CEP250: variants seen among roughly 807,000 people sequenced by gnomAD.
The protein encoded by CEP250 is centrosome-associated protein CEP250.
CEP250 carries 242 observed loss-of-function variants against 315.7 expected under a neutral mutation model. That is an observed-to-expected ratio of 0.77 (90% CI 0.69 to 0.85). The LOEUF (loss-of-function observed/expected upper bound fraction) is 0.85, where lower values mean the gene tolerates loss of function less well. Ranked by LOEUF, CEP250 falls within the 40% of genes least tolerant of loss-of-function variation. The pLI, the probability that CEP250 is intolerant of heterozygous loss-of-function variation, is 0.00. For synonymous variants in CEP250, 1,088 were observed against 1,175.0 expected (o/e 0.93, Z 1.51); for missense variants, 2,515 against 2,886.4 (o/e 0.87, Z 2.95).
rs760442031 is a variant in CEP250, at chr20:35,503,935, G to A, written c.5566G>A (p.Glu1856Lys). The change falls in exon 30 of 35, where the codon GAG becomes AAG. Residue 1856 changes from glutamate (E) to lysine (K), a missense_variant. Transcript: ENST00000397527. The surrounding 1 kb of genome is among the most constrained non-coding windows in gnomAD (Gnocchi z 4.2). ...ALEQAHMTLK[E>K]RHGELQDHKE... ...GGAGCAAGCCCATATGACACTGAAGGAGCGTCATGGAGAGCTTCAGGACCA... is the reference window on the plus strand; with the variant it reads ...GGAGCAAGCCCATATGACACTGAAGAAGCGTCATGGAGAGCTTCAGGACCA... 13 of 1,613,406 alleles carry A rather than the reference G, an allele frequency of 8.1e-6. No homozygotes were observed. Among genetic ancestry groups the A allele is most frequent in the Non-Finnish European group, 1.1e-5 (13 of 1,179,646 alleles).
In CEP250 at chr20:35,472,055, A is replaced by G; in HGVS notation, c.954A>G (p.Thr318=). 1 of 1,602,182 alleles carries G rather than the reference A, an allele frequency of 6.2e-7. No individual in the cohort carries two copies. The highest frequency in any genetic ancestry group is 8.6e-7 in the Non-Finnish European group (1 of 1,169,142). ...ALRETVEILE[T]NHTELMEHEA... is the part of the protein sequence containing the mutation. ...CTGTTCTATTCCCTGTTCAGGAGAC[A>G]AATCACACAGAATTAATGGAACATG... The change falls in exon 11 of 35, where the codon ACA becomes ACG. Residue 318 remains threonine (T), a synonymous_variant. Coordinates refer to ENST00000397527, the MANE Select transcript of CEP250 (RefSeq NM_007186.6).
chr20:35,504,059 G>T lies in CEP250; in HGVS notation c.5690G>T (p.Arg1897Leu). Residue 1897 changes from arginine to leucine, a missense_variant, in exon 30 of 35, where the codon CGG (arginine) becomes CTG (leucine). Arg to Leu is a moderately radical substitution (Grantham distance 102). Transcript: ENST00000397527. The stretch of plus-strand genomic sequence containing the variant: ...CTGGGAGACCTAAGGGCTGAGTCTC[G>T]GGAACAGGAGAAAGCTCTGTTGGCC... ...EVLGDLRAES[R>L]EQEKALLALQ... The T allele has an allele frequency of 6.2e-7, 1 of 1,606,048 alleles. No homozygotes were observed. The highest frequency in any genetic ancestry group is 1.7e-4 in the Middle Eastern group (1 of 6,000).
At chr20:35,496,752 G>A in intron 25 of CEP250, 37 bp downstream of exon 25, 5 of 1,589,980 alleles carry the variant, frequency 3.1e-6, no homozygotes, top group Non-Finnish European at 4.3e-6. Flanking sequence ...TGCATCCCTG[G>A]CAGAAGCCTG....
intron 21 of CEP250, 105 bp from the exon 22 acceptor site, chr20:35,491,107 C>A: frequency 7.2e-7 from 1 of 1,393,298 alleles, no homozygotes. Context: ...CAGCCCCTTC[C>A]CATTTGCTAG....
chr20:35,504,087 C>T lies in CEP250; in HGVS notation c.5718C>T (p.Leu1906=). Residue 1906 remains leucine (L), a synonymous_variant, in exon 30 of 35, where the codon CTC becomes CTT. Coordinates refer to ENST00000397527, the MANE Select transcript of CEP250 (RefSeq NM_007186.6). The part of the protein sequence containing the change: ...SREQEKALLA[L]QQQCAEQAQE... ...AACAGGAGAAAGCTCTGTTGGCCCT[C>T]CAGCAGCAGTGTGCTGAGCAGGCAC... 6.2e-7 allele frequency: 1 copy of T among 1,608,844 alleles called. No homozygotes were observed. Among genetic ancestry groups the T allele is most frequent in the Non-Finnish European group, 8.5e-7 (1 of 1,176,872 alleles).
intron 30 of CEP250, among the ~76,000 whole-genome samples, chr20:35,506,082 G>A (rs1056260276): frequency 1.3e-5 from 2 of 152,146 alleles, no homozygotes; most frequent in Non-Finnish European, 2.9e-5. Context: ...GGTAGGACTT[G>A]ATTGGCTAAG....
rs2064022206 is a variant in CEP250, at chr20:35,502,045, C to T, written c.4020+79C>T. ...CCCACCTTGGCCTGTGGTCCTGTGT[C>T]CCACTTCCTTCAGCAAGTCTGTCAG... is the stretch of plus-strand genomic sequence containing the variant. On this transcript the variant is annotated intron_variant, in intron 29 of 34. Transcript: ENST00000397527. 1.5e-5 allele frequency: 23 copies of T among 1,497,808 alleles called. No individual in the cohort carries two copies. In the South Asian group the frequency reaches 2.2e-4, roughly 14 times the overall value. 92.8% of individuals were successfully genotyped at this position (1,497,808 alleles called of 1,614,324 possible).
At chr20:35,478,876 T>C (rs963437120) in intron 17 of CEP250, among the ~76,000 whole-genome samples, 1 of 152,162 alleles carries the variant, frequency 6.6e-6, no homozygotes, top group Non-Finnish European at 1.5e-5. Flanking sequence ...CTACAAAACC[T>C]CTCATTGTCC....
intron 26 of CEP250, 71 bp from the exon 27 acceptor site, chr20:35,498,524 G>A (rs2063910561): frequency 1.0e-5 from 16 of 1,570,432 alleles, no homozygotes; most frequent in Non-Finnish European, 1.4e-5. Flanking sequence ...GGACAGGGCT[G>A]TGTCTGGAGA....
At chr20:35,494,690 T>C in intron 24 of CEP250, 33 bp downstream of exon 24, 1 of 1,611,680 alleles carries the variant, frequency 6.2e-7, no homozygotes, top group Non-Finnish European at 8.5e-7. Context: ...GTGGCTTTTG[T>C]CTATCTGGCT....
chr20:35,507,069 A>G (rs1179730584), intron 30 of CEP250, among the ~76,000 whole-genome samples: 1 of 152,196 alleles, frequency 6.6e-6, no homozygotes, highest in African/African-American at 2.4e-5. Context: ...CAGGACTGGA[A>G]TGAGGTCTGA....
rs1178279806 is a variant in CEP250, at chr20:35,503,897, T to C, written c.5528T>C (p.Leu1843Pro). 1 of 1,613,788 alleles carries C rather than the reference T, an allele frequency of 6.2e-7. No homozygotes were observed. Among genetic ancestry groups the C allele is most frequent in the East Asian group, 2.2e-5 (1 of 44,876 alleles). ...EERVKEKADALQGALEQAHMT... is the reference protein window; with the variant it reads ...EERVKEKADAPQGALEQAHMT... ...AGGGTGAAGGAAAAGGCAGACGCCC[T>C]CCAGGGAGCTCTGGAGCAAGCCCAT... The change falls in exon 30 of 35, where the codon CTC (leucine) becomes CCC (proline). Residue 1843 changes from leucine to proline, a missense_variant. Coordinates refer to ENST00000397527, the MANE Select transcript of CEP250 (RefSeq NM_007186.6). This position sits in a 1 kb window ranked among gnomAD's most constrained non-coding sequence, Gnocchi z 4.2.
chr20:35,465,082 C>T (rs184681516), intron 5 of CEP250, among the ~76,000 whole-genome samples: 4 of 152,156 alleles, frequency 2.6e-5, no homozygotes, highest in East Asian at 3.9e-4. Flanking sequence ...AACGATATAC[C>T]GCTTTCATTT....
At chr20:35,465,083 G>A (rs141567815) in intron 5 of CEP250, among the ~76,000 whole-genome samples, 1 of 152,166 alleles carries the variant, frequency 6.6e-6, no homozygotes, top group African/African-American at 2.4e-5. Flanking sequence ...ACGATATACC[G>A]CTTTCATTTT....
At chr20:35,472,521 CA>C in intron 11 of CEP250, 151 bp from the exon 12 acceptor site, 2 of 780,824 alleles carry the variant, frequency 2.6e-6, no homozygotes, top group Admixed American at 5.1e-5. Context: ...TTGAAGGAAC[CA>C]GACTTTTATG....
rs759387870 is a variant in CEP250, at chr20:35,513,777, CATCTT to C, written c.*2153_*2157del. 2 of 152,284 alleles carry C rather than the reference CATCTT, an allele frequency of 1.3e-5. No individual in the cohort carries two copies. The highest frequency in any genetic ancestry group is 2.9e-5 in the Non-Finnish European group (2 of 68,082). The allele number at this position is 152,284 out of a possible 1,614,324, so 9.4% of individuals were successfully genotyped here. On this transcript the variant is annotated 3_prime_UTR_variant, in exon 35 of 35. Transcript: ENST00000397527. ...CAGAGAGGTTCCAGCAGCTGAAAGA[CATCTT>C]AGAGGCTGCCAAGCAGGGTCTTTAT... is the stretch of plus-strand genomic sequence containing the variant.
rs188838294 is a variant in CEP250 at position 35,473,202 on chromosome 20, C to G, written c.1210-172C>G. On this transcript the variant is annotated intron_variant, in intron 12 of 34. Transcript: ENST00000397527. ...GACGAACTCTAAGAATCTAGAGCCA[C>G]AGAAGCCCAATGACCTCTGATGGCC... Among the ~76,000 whole-genome samples, 369 of 152,288 alleles carry G rather than the reference C, an allele frequency of 2.4e-3. 4 individuals are homozygous for G. The highest frequency in any genetic ancestry group is 8.6e-3 in the African/African-American group (357 of 41,558).
chr20:35,490,710 T>G lies in CEP250; in HGVS notation c.2660T>G (p.Leu887Arg), dbSNP rs2147034423. 6.2e-7 allele frequency: 1 copy of G among 1,613,814 alleles called. No homozygotes were observed. Among genetic ancestry groups the G allele is most frequent in the South Asian group, 1.1e-5 (1 of 91,062 alleles). The change falls in exon 21 of 35, where the codon CTG becomes CGG. Residue 887 changes from leucine to arginine, a missense_variant. Transcript: ENST00000397527. ...LESLEREKME[L>R]EMRLKEQQTE... ...AGCTTAGAAAGGGAAAAAATGGAGC[T>G]GGAAATGAGGCTAAAGGAGCAGCAG... is the stretch of plus-strand genomic sequence containing the variant.
Position 35,518,327 on chromosome 20 carries a change from G to A in CEP250, c.*6701G>A, listed in dbSNP as rs1052936629. Reference sequence around the variant, plus strand: ...TGGTGCACCACAATGTGTCAGGGATGTCGGTTTATGTGGGATATTTGCATT... The same window carrying A: ...TGGTGCACCACAATGTGTCAGGGATATCGGTTTATGTGGGATATTTGCATT... On this transcript the variant is annotated 3_prime_UTR_variant, in exon 35 of 35. Coordinates refer to ENST00000397527, the MANE Select transcript of CEP250 (RefSeq NM_007186.6). 5 of 152,188 alleles carry A rather than the reference G, an allele frequency of 3.3e-5. No homozygotes were observed. The highest frequency in any genetic ancestry group is 1.2e-4 in the African/African-American group (5 of 41,432). 9.4% of individuals were successfully genotyped at this position (152,188 alleles called of 1,614,324 possible).
Sources: gnomAD v4.1 joint callset for allele counts (sites outside exome capture counted in the v4.1 genomes callset) on GRCh38, gnomAD v4.1.1 for gene constraint, Gnocchi (gnomAD v3.1) non-coding constraint, MANE v1.5 for transcripts, NCBI Gene and HGNC (gene_info 2026-07-23, HGNC 2026-07-21) for gene names.